Variants in DOCK1 observed in about 807,000 individuals in gnomAD.
The protein encoded by DOCK1 is dedicator of cytokinesis protein 1.
Under a neutral mutation model 262.7 loss-of-function variants are expected in DOCK1, and 138 were observed. That is an observed-to-expected ratio of 0.53 (90% CI 0.46 to 0.61). DOCK1 has a LOEUF of 0.61. DOCK1 is among the 20% of genes least tolerant of loss of function. The pLI is 0.00. For missense variants in DOCK1, 1,908 were observed against 2,370.7 expected, an observed-to-expected ratio of 0.80 and a Z score of 4.05; for synonymous variants, 866 against 867.4, an observed-to-expected ratio of 1.00 and a Z score of 0.03.
chr10:126,967,046 C>G (rs1237320373), intron 1 of DOCK1, among the ~76,000 whole-genome samples: 1 of 152,154 alleles, frequency 6.6e-6, no homozygotes, highest in African/African-American at 2.4e-5. Context: ...GAGGCTGGTG[C>G]TACCCTTGCC....
At chr10:127,282,794 G>A (rs1486249109) in intron 29 of DOCK1, among the ~76,000 whole-genome samples, 1 of 152,190 alleles carries the variant, frequency 6.6e-6, no homozygotes, top group Non-Finnish European at 1.5e-5. Context: ...CTCTGCCTTG[G>A]CGACAACCAG....
intron 49 of DOCK1, among the ~76,000 whole-genome samples, chr10:127,443,190 G>A (rs887357909): frequency 2.6e-5 from 4 of 152,142 alleles, no homozygotes; most frequent in African/African-American, 7.2e-5. Flanking sequence ...ATTTGGACAC[G>A]TCCATGTCCA....
chr10:127,107,291 G>A (rs375335703), intron 24 of DOCK1, among the ~76,000 whole-genome samples: 7 of 152,082 alleles, frequency 4.6e-5, no homozygotes, highest in Non-Finnish European at 7.3e-5. Flanking sequence ...TCCACTGAGC[G>A]GTGAAACGGA....
intron 28 of DOCK1, among the ~76,000 whole-genome samples, chr10:127,252,885 T>C (rs34236032): frequency 0.33 from 50,689 of 151,974 alleles, 9,738 homozygotes; most frequent in South Asian, 0.57. Context: ...TTTTTGGTTC[T>C]ATTTTCTTGA....
At chr10:126,939,028 AGGGATGAACACGGTGGG>A (rs1470601792) in intron 1 of DOCK1, among the ~76,000 whole-genome samples, 10 of 92,596 alleles carry the variant, frequency 1.1e-4, no homozygotes, top group Admixed American at 6.4e-4. Flanking sequence ...GAACACCTGA[AGGGATGAACACGGTGGG>A]GGGATGAACA....
At chr10:127,267,004 T>C (rs767714067) in intron 29 of DOCK1, among the ~76,000 whole-genome samples, 3 of 152,170 alleles carry the variant, frequency 2.0e-5, no homozygotes, top group Non-Finnish European at 4.4e-5. Context: ...TGTTGGCCAT[T>C]GTGATGCATC....
chr10:127,244,675 T>A (rs1002616425), intron 27 of DOCK1, among the ~76,000 whole-genome samples: 4 of 152,236 alleles, frequency 2.6e-5, no homozygotes, highest in African/African-American at 9.6e-5. Flanking sequence ...TCCTGGTTTT[T>A]AAATTTTCTG....
intron 43 of DOCK1, among the ~76,000 whole-genome samples, chr10:127,414,862 C>T (rs962079467): frequency 2.6e-5 from 4 of 152,200 alleles, no homozygotes; most frequent in South Asian, 2.1e-4. Context: ...TTGGAGTATA[C>T]ACATCTTTCT....
chr10:126,956,720 A>G (rs1474494688), intron 1 of DOCK1, among the ~76,000 whole-genome samples: 3 of 152,150 alleles, frequency 2.0e-5, no homozygotes, highest in Admixed American at 1.3e-4. Context: ...CTCCCATTTC[A>G]TGGAGGGAGA....
intron 23 of DOCK1, among the ~76,000 whole-genome samples, chr10:127,093,227 C>CT (rs748178663): frequency 2.9e-5 from 2 of 67,826 alleles, no homozygotes; most frequent in African/African-American, 1.2e-4. Context: ...TCTTTTCTTT[C>CT]TTTCTTTCTT....
intron 29 of DOCK1, among the ~76,000 whole-genome samples, chr10:127,308,670 G>A (rs1426638171): frequency 6.6e-6 from 1 of 152,166 alleles, no homozygotes; most frequent in African/African-American, 2.4e-5. Context: ...CCACTTATGA[G>A]TGAGAACATG....
intron 1 of DOCK1, among the ~76,000 whole-genome samples, chr10:126,945,689 C>T (rs2035345905): frequency 6.6e-6 from 1 of 152,178 alleles, no homozygotes; most frequent in African/African-American, 2.4e-5. Flanking sequence ...AGCTGTGCAT[C>T]TGGTTTTGCT....
rs1478929171 is a variant in DOCK1 at position 126,912,494 on chromosome 10, A to G, written c.46+6931A>G. On this transcript the variant is annotated intron_variant, in intron 1 of 51. Coordinates refer to ENST00000623213, the MANE Select transcript of DOCK1 (RefSeq NM_001290223.2). ...GTAATCCTAGCACTTTGGGAGGCCA[A>G]GGCGGGGAGATCACGAGGTCAGTAG... Among the ~76,000 whole-genome samples, 12 of 151,940 alleles carry G rather than the reference A, an allele frequency of 7.9e-5. No individual in the cohort carries two copies. In the East Asian group the frequency reaches 9.7e-4, roughly 12 times the overall value.
At chr10:127,327,990 C>T (rs938849611) in intron 29 of DOCK1, among the ~76,000 whole-genome samples, 1 of 151,924 alleles carries the variant, frequency 6.6e-6, no homozygotes, top group African/African-American at 2.4e-5. Flanking sequence ...ATAGAGAGAC[C>T]CACCAGGCCT....
At chr10:126,982,389 A>G (rs772580882) in intron 4 of DOCK1, among the ~76,000 whole-genome samples, 2 of 152,138 alleles carry the variant, frequency 1.3e-5, no homozygotes, top group Non-Finnish European at 2.9e-5. Flanking sequence ...AAATTGGGAC[A>G]TGCAGGAGTT....
chr10:127,067,541 G>C (rs149563046), intron 23 of DOCK1, among the ~76,000 whole-genome samples: 1 of 152,076 alleles, frequency 6.6e-6, no homozygotes, highest in South Asian at 2.1e-4. Flanking sequence ...GTATGTGTGC[G>C]TGTGTGTTGT....
At chr10:127,200,961 A>G (rs1316732419) in intron 27 of DOCK1, among the ~76,000 whole-genome samples, 1 of 152,220 alleles carries the variant, frequency 6.6e-6, no homozygotes, top group Non-Finnish European at 1.5e-5. Flanking sequence ...AGACTCATAG[A>G]TGAGCCCAAC....
chr10:127,155,613 C>T (rs920295085), intron 27 of DOCK1, among the ~76,000 whole-genome samples: 1 of 152,158 alleles, frequency 6.6e-6, no homozygotes, highest in African/African-American at 2.4e-5. Context: ...ATTTTGTAGT[C>T]CTTACCCCTT....
At chr10:126,945,865 T>C (rs1186636032) in intron 1 of DOCK1, among the ~76,000 whole-genome samples, 2 of 152,200 alleles carry the variant, frequency 1.3e-5, no homozygotes, top group Non-Finnish European at 2.9e-5. Flanking sequence ...CAGGGGGTTT[T>C]GGGCACACCT....
Sources: allele counts gnomAD v4.1 joint callset (sites outside exome capture counted in the v4.1 genomes callset), GRCh38; gene constraint gnomAD v4.1.1; transcripts MANE v1.5; gene names NCBI Gene and HGNC (gene_info 2026-07-23, HGNC 2026-07-21).